PTPRQ: variants seen among roughly 807,000 people sequenced by gnomAD.
The protein encoded by PTPRQ is protein tyrosine phosphatase receptor type Q, also known as phosphatidylinositol phosphatase PTPRQ.
Under a neutral mutation model 246.0 loss-of-function variants are expected in PTPRQ, and 199 were observed. The ratio of observed to expected loss-of-function variants is 0.81; its 90% confidence interval spans 0.72 to 0.91. The LOEUF (loss-of-function observed/expected upper bound fraction) is 0.91, where lower values mean the gene tolerates loss of function less well. PTPRQ is among the 40% of genes least tolerant of loss of function. PTPRQ has a pLI of 0.00. For synonymous variants in PTPRQ, 869 were observed against 853.2 expected (o/e 1.02, Z -0.32); for missense variants, 2,624 against 2,528.4 (o/e 1.04, Z -0.81).
chr12:80,528,458 G>A (rs929413469), intron 17 of PTPRQ, among the ~76,000 whole-genome samples: 1 of 121,474 alleles, frequency 8.2e-6, no homozygotes, highest in Admixed American at 9.3e-5. Context: ...AAAGAAAGAA[G>A]TATTGTACAT....
At chr12:80,529,403 A>G (rs758262378) in intron 17 of PTPRQ, among the ~76,000 whole-genome samples, 2 of 152,192 alleles carry the variant, frequency 1.3e-5, no homozygotes, top group Non-Finnish European at 2.9e-5. Context: ...GATTATGCAC[A>G]TGGAACAAAA....
At chr12:80,496,573 A>G (rs761561310) in intron 14 of PTPRQ, 42 bp downstream of exon 14, 9 of 1,511,892 alleles carry the variant, frequency 6.0e-6, no homozygotes, top group Non-Finnish European at 7.0e-6. Flanking sequence ...ATACACAGTG[A>G]TATAGTAAGC....
At chr12:80,491,371 T>G (rs1225553400) in intron 9 of PTPRQ, among the ~76,000 whole-genome samples, 1 of 151,968 alleles carries the variant, frequency 6.6e-6, no homozygotes, top group Non-Finnish European at 1.5e-5. Context: ...CACCAGAGCT[T>G]CTCTGAGTTA....
intron 25 of PTPRQ, among the ~76,000 whole-genome samples, chr12:80,583,373 C>A (rs1039756862): frequency 1.3e-5 from 2 of 152,050 alleles, no homozygotes; most frequent in African/African-American, 4.8e-5. Context: ...GATGCGGAAG[C>A]AAAATCTTTT....
At chr12:80,468,927 C>A in intron 7 of PTPRQ, 89 bp downstream of exon 7, 1 of 1,465,760 alleles carries the variant, frequency 6.8e-7, no homozygotes, top group Non-Finnish European at 9.0e-7. Context: ...AAGTATCAGA[C>A]TCTTTTTAAA....
chr12:80,481,463 AC>A (rs1169943793), intron 8 of PTPRQ, among the ~76,000 whole-genome samples: 2 of 152,200 alleles, frequency 1.3e-5, no homozygotes, highest in Non-Finnish European at 2.9e-5. Context: ...GAAAACTGGC[AC>A]AAGACAGGGA....
At chr12:80,449,310 C>T (rs1490555423) in intron 3 of PTPRQ, among the ~76,000 whole-genome samples, 3 of 151,856 alleles carry the variant, frequency 2.0e-5, no homozygotes, top group African/African-American at 4.8e-5. Context: ...GAAAATTTTC[C>T]CCCATTTTTT....
chr12:80,655,067 G>A (rs1900388423), intron 38 of PTPRQ, among the ~76,000 whole-genome samples: 1 of 152,078 alleles, frequency 6.6e-6, no homozygotes, highest in Non-Finnish European at 1.5e-5. Flanking sequence ...TGTAAGAAAT[G>A]TTAGACAATT....
chr12:80,497,523 G>A (rs527327162), intron 14 of PTPRQ, among the ~76,000 whole-genome samples: 2 of 152,126 alleles, frequency 1.3e-5, no homozygotes, highest in Admixed American at 6.6e-5. Flanking sequence ...GTACTAGTCC[G>A]TGGCGCTGGG....
chr12:80,538,051 G>C (rs1896041143), intron 19 of PTPRQ, among the ~76,000 whole-genome samples: 1 of 152,168 alleles, frequency 6.6e-6, no homozygotes, highest in Non-Finnish European at 1.5e-5. Flanking sequence ...GGAGGTTGCA[G>C]TGAGCCGAGA....
intron 26 of PTPRQ, among the ~76,000 whole-genome samples, chr12:80,597,746 A>G (rs559732388): frequency 6.6e-6 from 1 of 152,038 alleles, no homozygotes; most frequent in South Asian, 2.1e-4. Flanking sequence ...CACCTGGAGG[A>G]CTGTTAATTA....
intron 26 of PTPRQ, among the ~76,000 whole-genome samples, chr12:80,597,212 A>AT (rs1168075404): frequency 6.6e-6 from 1 of 151,892 alleles, no homozygotes; most frequent in Non-Finnish European, 1.5e-5. Flanking sequence ...TATCCTAGAT[A>AT]TTTTTTACCC....
At chr12:80,546,505 G>T in intron 23 of PTPRQ, 51 bp from the exon 24 acceptor site, 3 of 1,493,838 alleles carry the variant, frequency 2.0e-6, no homozygotes, top group South Asian at 1.3e-5. Flanking sequence ...TTCCATTGAT[G>T]AACAATTTTT....
chr12:80,567,863 C>T (rs560005964), intron 25 of PTPRQ, among the ~76,000 whole-genome samples: 78 of 152,266 alleles, frequency 5.1e-4, no homozygotes, highest in African/African-American at 1.8e-3. Context: ...ACATACCCAA[C>T]AGCACCGAAT....
chr12:80,599,275 T>C (rs987876860), intron 26 of PTPRQ, among the ~76,000 whole-genome samples: 2 of 151,856 alleles, frequency 1.3e-5, no homozygotes, highest in South Asian at 2.1e-4. Context: ...GAGGAAGTGA[T>C]TGGATTATGG....
intron 33 of PTPRQ, among the ~76,000 whole-genome samples, chr12:80,625,510 T>A (rs991118952): frequency 6.6e-6 from 1 of 152,136 alleles, no homozygotes; most frequent in Admixed American, 6.6e-5. Flanking sequence ...ACCATTGTAG[T>A]GGTAATTATG....
chr12:80,536,996 C>A (rs370473520), intron 19 of PTPRQ, among the ~76,000 whole-genome samples: 7 of 152,140 alleles, frequency 4.6e-5, no homozygotes, highest in African/African-American at 1.4e-4. Flanking sequence ...ATGGTTCCAA[C>A]GTGATCTTCT....
rs189276422 is a variant in PTPRQ at position 80,453,404 on chromosome 12, G to A, written c.391-4171G>A. On this transcript the variant is annotated intron_variant, in intron 3 of 44. Coordinates refer to ENST00000644991, the MANE Select transcript of PTPRQ (RefSeq NM_001145026.2). ...CTCTGTCCAGCTTTGTTCTGTTGCT[G>A]GTGAGGAACTGCGTTCCTTTGGAGG... Among the ~76,000 whole-genome samples, 1,016 of 152,296 alleles carry A rather than the reference G, an allele frequency of 6.7e-3. 10 individuals carry two copies. The highest frequency in any genetic ancestry group is 0.023 in the African/African-American group (958 of 41,548).
intron 26 of PTPRQ, among the ~76,000 whole-genome samples, chr12:80,602,804 A>C (rs999052565): frequency 6.6e-6 from 1 of 151,766 alleles, no homozygotes; most frequent in African/African-American, 2.4e-5. Context: ...TCTTCAGAGC[A>C]TGTGATTCAC....
Sources: allele counts gnomAD v4.1 joint callset (sites outside exome capture counted in the v4.1 genomes callset), GRCh38; gene constraint gnomAD v4.1.1; transcripts MANE v1.5; gene names NCBI Gene and HGNC (gene_info 2026-07-23, HGNC 2026-07-21).